AMPD3: variants seen among roughly 807,000 people sequenced by gnomAD.
AMPD3 encodes the protein AMP deaminase 3.
Under a neutral mutation model 82.3 loss-of-function variants are expected in AMPD3, and 57 were observed. The ratio of observed to expected loss-of-function variants is 0.69; its 90% CI spans 0.56 to 0.86. The LOEUF (loss-of-function observed/expected upper bound fraction) is 0.86, where lower values mean the gene tolerates loss of function less well. AMPD3 is among the 40% of genes least tolerant of loss of function. The pLI is 0.00. For synonymous variants in AMPD3, 381 were observed against 394.7 expected (o/e 0.97, Z 0.41); for missense variants, 870 against 1,003.8 (o/e 0.87, Z 1.80).
chr11:10,471,059 A>G (rs569198517), intron 2 of AMPD3, among the ~76,000 whole-genome samples: 151 of 152,358 alleles, frequency 9.9e-4, no homozygotes, highest in African/African-American at 3.4e-3. Context: ...CTGACTTCAA[A>G]CTATACTACA....
intron 6 of AMPD3, among the ~76,000 whole-genome samples, chr11:10,492,100 C>T (rs1037778838): frequency 5.9e-5 from 9 of 152,094 alleles, no homozygotes; most frequent in Admixed American, 1.3e-4. Context: ...TGCAAGGGGT[C>T]GGTCTGGTAT....
intron 2 of AMPD3, among the ~76,000 whole-genome samples, chr11:10,473,115 C>G (rs1319582506): frequency 6.6e-6 from 1 of 151,918 alleles, no homozygotes; most frequent in African/African-American, 2.4e-5. Flanking sequence ...ACAAAAAATA[C>G]AAAAATTAGC....
Position 10,455,654 on chromosome 11 carries a change from C to A in AMPD3, c.-6+206C>A, listed in dbSNP as rs181134161. On this transcript the variant is annotated intron_variant, in intron 1 of 14. Transcript: ENST00000396553. ...TAGCCTGCCCCTGTCCTCTGTCCGC[C>A]TCTGTGCTGAGGCAGTTCCTGCTCC... Among the ~76,000 whole-genome samples, 5 of 152,262 alleles carry A rather than the reference C, an allele frequency of 3.3e-5. No homozygotes were observed. The East Asian group carries it at 9.7e-4, about 29-fold the overall frequency.
At chr11:10,492,505 G>C (rs1039275937) in intron 6 of AMPD3, among the ~76,000 whole-genome samples, 2 of 152,200 alleles carry the variant, frequency 1.3e-5, no homozygotes, top group African/African-American at 2.4e-5. Flanking sequence ...TTCTGAGAGG[G>C]ATCAATGGGA....
Position 10,496,662 on chromosome 11 carries a change from A to G in AMPD3, c.1431-150A>G, listed in dbSNP as rs1849410454. ...GCAGACATTGCTGGGAGAGGAGGAC[A>G]GAGGAGGGATCTGTTTTCTGGTCCC... On this transcript the variant is annotated intron_variant, in intron 9 of 14. Coordinates refer to ENST00000396553, the MANE Select transcript of AMPD3 (RefSeq NM_001025389.2). 23 of 1,471,778 alleles carry G rather than the reference A, an allele frequency of 1.6e-5. 1 individual carries two copies. The South Asian group carries it at 2.7e-4, about 17-fold the overall frequency. 91.2% of individuals were successfully genotyped at this position (1,471,778 alleles called of 1,614,324 possible).
At chr11:10,505,044 G>C (rs1849679051) in intron 14 of AMPD3, 1 of 867,988 alleles carries the variant, frequency 1.2e-6, no homozygotes, top group Non-Finnish European at 1.4e-6. Context: ...TATATCCCCG[G>C]GCCCTAGATA....
At chr11:10,481,499 C>T in intron 3 of AMPD3, 1 of 985,392 alleles carries the variant, frequency 1.0e-6, no homozygotes, top group South Asian at 4.7e-5. Flanking sequence ...ACCCTAACTC[C>T]TCCTGTGTCT....
At chr11:10,497,331 T>G (rs1849438214) in intron 10 of AMPD3, among the ~76,000 whole-genome samples, 1 of 152,020 alleles carries the variant, frequency 6.6e-6, no homozygotes, top group African/African-American at 2.4e-5. Flanking sequence ...ATTCACCTGC[T>G]TTACCTCGCA....
chr11:10,477,117 T>G, intron 2 of AMPD3: 1 of 985,440 alleles, frequency 1.0e-6, no homozygotes. Context: ...TGAGGATACC[T>G]GGCCACAGGC....
In AMPD3 at chr11:10,501,032, G is replaced by T. The variant is rs907454928; in HGVS notation, c.1722-438G>T. 6 of 985,314 alleles carry T rather than the reference G, an allele frequency of 6.1e-6. No individual in the cohort carries two copies. The African/African-American group carries it at 8.7e-5, about 14-fold the overall frequency. The allele number at this position is 985,314 out of a possible 1,614,324, so 61.0% of individuals were successfully genotyped here. ...CTGGGCTGAGCTTTTGGAGATGGGG[G>T]CTCTGGTTCTGGCTTTGCTACTGAC... On this transcript the variant is annotated intron_variant, in intron 11 of 14. Coordinates refer to ENST00000396553, the MANE Select transcript of AMPD3 (RefSeq NM_001025389.2).
chr11:10,453,398 G>A (rs1235653472), upstream of AMPD3, among the ~76,000 whole-genome samples: 2 of 152,152 alleles, frequency 1.3e-5, no homozygotes, highest in Admixed American at 6.5e-5. Context: ...CATATTTCAG[G>A]TATGGGGATA....
intron 13 of AMPD3, chr11:10,504,108 C>T (rs1849649727): frequency 1.2e-6 from 1 of 857,472 alleles, no homozygotes; most frequent in Admixed American, 8.3e-5. Context: ...GCTTTTAGTA[C>T]TTTACTCATC....
Position 10,502,814 on chromosome 11 carries a change from A to C in AMPD3, c.1936A>C (p.Asn646His), listed in dbSNP as rs1386035435. ...CAGTTTGTTCCTCGAATATTCCAAG[A>C]ACCCTCTGAGGGAATTCCTACACAA... ...NNSLFLEYSK[N>H]PLREFLHKGL... Residue 646 changes from asparagine to histidine, a missense_variant, in exon 13 of 15, where the codon AAC (asparagine) becomes CAC (histidine). Physicochemically the swap from Asn to His is moderately conservative, Grantham distance 68. Coordinates refer to ENST00000396553, the MANE Select transcript of AMPD3 (RefSeq NM_001025389.2). 5 of 1,614,012 alleles carry C rather than the reference A, an allele frequency of 3.1e-6. No homozygotes were observed. Among genetic ancestry groups the C allele is most frequent in the Non-Finnish European group, 3.4e-6 (4 of 1,179,998 alleles).
At position 10,506,662 on chromosome 11, in the gene AMPD3, T is replaced by G. The variant is rs1849721508; in HGVS notation, c.*778T>G. ...TTTACACTGGGGCTGCTACATAATA[T>G]TTTCATTTGAACGAAGAACTTCAAA... is the stretch of plus-strand genomic sequence containing the variant. On this transcript the variant is annotated 3_prime_UTR_variant, in exon 15 of 15. Transcript: ENST00000396553. The surrounding 1 kb of genome is among the most constrained non-coding windows in gnomAD (Gnocchi z 4.1). 6.6e-6 allele frequency: 1 copy of G among 152,654 alleles called. No individual in the cohort carries two copies. Among genetic ancestry groups the G allele is most frequent in the Non-Finnish European group, 1.5e-5 (1 of 68,118 alleles). The allele number at this position is 152,654 out of a possible 1,614,324, so 9.5% of individuals were successfully genotyped here.
chr11:10,490,477 C>T (rs1383543671), intron 6 of AMPD3: 4 of 985,240 alleles, frequency 4.1e-6, no homozygotes, highest in African/African-American at 3.5e-5. Flanking sequence ...TGGCTTAGGT[C>T]CCAGGTCTGG....
Position 10,504,217 on chromosome 11 carries a change from AG to A in AMPD3, c.2017-329del, listed in dbSNP as rs1327041892. The A allele has an allele frequency of 5.1e-6, 5 of 985,202 alleles. No homozygotes were observed. The Admixed American group carries it at 3.1e-4, about 61-fold the overall frequency. The allele number at this position is 985,202 out of a possible 1,614,324, so 61.0% of individuals were successfully genotyped here. On this transcript the variant is annotated intron_variant, in intron 13 of 14. Coordinates refer to ENST00000396553, the MANE Select transcript of AMPD3 (RefSeq NM_001025389.2). ...ATAGTGTGTTAAAAAGAAAAGCTAG[AG>A]GGCAAGTGCTAAATGTGGCATGACT...
At chr11:10,474,185 C>T (rs1011523525) in intron 2 of AMPD3, among the ~76,000 whole-genome samples, 2 of 152,260 alleles carry the variant, frequency 1.3e-5, no homozygotes, top group South Asian at 2.1e-4. Flanking sequence ...CCCCTGGAGG[C>T]GGGAGTTATA....
In AMPD3 at chr11:10,478,516, TGGCTCTTA is replaced by T. The variant is rs752233797; in HGVS notation, c.222-8_222-1del. ...GATGTCTCCCACTTTTCCTTGTCCT[TGGCTCTTA>T]GAAAGAAAAGTTTCAAGATGATTCG... On this transcript the variant is annotated splice_acceptor_variant and splice_polypyrimidine_tract_variant and intron_variant, in intron 2 of 14. Transcript: ENST00000396553. LOFTEE classifies it high-confidence loss of function. 1.1e-5 allele frequency: 18 copies of T among 1,614,154 alleles called. No homozygotes were observed. The East Asian group carries it at 3.8e-4, about 34-fold the overall frequency.
intron 2 of AMPD3, among the ~76,000 whole-genome samples, chr11:10,462,846 GC>G (rs1416124646): frequency 6.6e-6 from 1 of 152,182 alleles, no homozygotes; most frequent in Non-Finnish European, 1.5e-5. Flanking sequence ...TAGCTATGTG[GC>G]CTTCCAGATA....
Sources: allele counts gnomAD v4.1 joint callset (sites outside exome capture counted in the v4.1 genomes callset), GRCh38; gene constraint gnomAD v4.1.1; non-coding constraint Gnocchi (gnomAD v3.1); transcripts MANE v1.5; gene names NCBI Gene and HGNC (gene_info 2026-07-23, HGNC 2026-07-21).